MACO1: variants seen among roughly 807,000 people sequenced by gnomAD.
MACO1 encodes macoilin.
In MACO1, 14 loss-of-function variants were observed where a neutral mutation model predicts 78.7. That is an observed-to-expected ratio of 0.18 (90% CI 0.12 to 0.28). The LOEUF (loss-of-function observed/expected upper bound fraction) is 0.28. Ranked by LOEUF, MACO1 falls within the 10% of genes least tolerant of loss-of-function variation. The probability of loss-of-function intolerance (pLI) is 1.00; values close to 1 mark genes in which losing one functional copy is unlikely to be tolerated. For missense variants in MACO1, 501 were observed against 799.0 expected (o/e 0.63, Z 4.50); for synonymous variants, 288 against 291.6 (o/e 0.99, Z 0.12).
intron 3 of MACO1, 148 bp downstream of exon 3, chr1:25,449,082 A>G: frequency 1.6e-6 from 1 of 612,506 alleles, no homozygotes; most frequent in Non-Finnish European, 2.3e-6. Flanking sequence ...ATACCTTCAA[A>G]AATATATATC....
At chr1:25,465,524 A>G (rs925061158) in intron 6 of MACO1, among the ~76,000 whole-genome samples, 12 of 152,162 alleles carry the variant, frequency 7.9e-5, no homozygotes, top group African/African-American at 2.2e-4. Flanking sequence ...TTTAATTTGC[A>G]TTTCCCTGGT....
chr1:25,432,194 A>G (rs1229665432), intron 1 of MACO1, among the ~76,000 whole-genome samples: 1 of 152,216 alleles, frequency 6.6e-6, no homozygotes, highest in Admixed American at 6.5e-5. Flanking sequence ...GTGTTTTACA[A>G]TTAGCTTCTC....
intron 10 of MACO1, among the ~76,000 whole-genome samples, chr1:25,497,348 T>G (rs1001398853): frequency 1.1e-4 from 17 of 147,836 alleles, no homozygotes; most frequent in Admixed American, 1.0e-3. Flanking sequence ...CCACTGCACT[T>G]CAGCCTGGGC....
intron 6 of MACO1, among the ~76,000 whole-genome samples, chr1:25,469,702 T>A (rs532887854): frequency 6.7e-6 from 1 of 149,482 alleles, no homozygotes; most frequent in Non-Finnish European, 1.5e-5. Flanking sequence ...AGTGGTCCGA[T>A]CTCGGCTCAC....
At position 25,499,631 on chromosome 1, in the gene MACO1, A is replaced by G. The variant is rs915627337; in HGVS notation, c.*1165A>G. The G allele has an allele frequency of 1.6e-5, 2 of 122,480 alleles. No individual in the cohort carries two copies. Among genetic ancestry groups the G allele is most frequent in the African/African-American group, 6.2e-5 (2 of 32,200 alleles). 7.6% of individuals were successfully genotyped at this position (122,480 alleles called of 1,614,324 possible). A position where few individuals can be genotyped will look rare whatever the true frequency, so the allele number is the denominator to read the frequency against. On this transcript the variant is annotated 3_prime_UTR_variant, in exon 11 of 11. Transcript: ENST00000374343. ...TTTCAGTTTCAAATGTGTATTATAC[A>G]TGGGTAGAAAAGTGTTTGCACAGGC... is the stretch of plus-strand genomic sequence containing the variant.
In MACO1 at chr1:25,444,162, G is replaced by T. The variant is rs568451593; in HGVS notation, c.81-2600G>T. ...TAGTCTCAGCTACTTGGGAGGCCAA[G>T]GCAGGAGGATCACTTGAACCCGGGA... On this transcript the variant is annotated intron_variant, in intron 1 of 10. Coordinates refer to ENST00000374343, the MANE Select transcript of MACO1 (RefSeq NM_018202.6). Among the ~76,000 whole-genome samples the T allele has an allele frequency of 1.3e-4, 19 of 150,552 alleles. No homozygotes were observed. In the East Asian group the frequency reaches 3.9e-3, roughly 31 times the overall value.
chr1:25,467,383 T>C (rs147833907), intron 6 of MACO1, among the ~76,000 whole-genome samples: 1 of 152,310 alleles, frequency 6.6e-6, no homozygotes, highest in Non-Finnish European at 1.5e-5. Context: ...TGCCACAAGG[T>C]TCCCTCTCAA....
rs2043426614 is a variant in MACO1 at position 25,485,950 on chromosome 1, A to G, written c.1496+155A>G. 6.6e-6 allele frequency among the ~76,000 whole-genome samples: 1 copy of G among 152,210 alleles called. No homozygotes were observed. Among genetic ancestry groups the G allele is most frequent in the African/African-American group, 2.4e-5 (1 of 41,454 alleles). Reference sequence around the variant, plus strand: ...TGTTTTATTAACTGGTTTAAACTCCATGTGTGCAAGCTTGCACTATCTTAT... The same window carrying G: ...TGTTTTATTAACTGGTTTAAACTCCGTGTGTGCAAGCTTGCACTATCTTAT... On this transcript the variant is annotated intron_variant, in intron 8 of 10. Coordinates refer to ENST00000374343, the MANE Select transcript of MACO1 (RefSeq NM_018202.6). This position sits in a 1 kb window ranked among gnomAD's most constrained non-coding sequence, Gnocchi z 4.3.
intron 1 of MACO1, among the ~76,000 whole-genome samples, chr1:25,439,473 C>G (rs746555334): frequency 6.6e-6 from 1 of 151,798 alleles, no homozygotes; most frequent in African/African-American, 2.4e-5. Flanking sequence ...CATGTACGCG[C>G]GCGTGTGTGT....
intron 10 of MACO1, among the ~76,000 whole-genome samples, chr1:25,494,644 T>G (rs995020613): frequency 1.3e-5 from 2 of 152,140 alleles, no homozygotes; most frequent in African/African-American, 4.8e-5. Context: ...GCTACCACTG[T>G]CCTCTATCTA....
intron 5 of MACO1, 94 bp from the exon 6 acceptor site, chr1:25,458,297 G>A: frequency 6.8e-7 from 1 of 1,476,204 alleles, no homozygotes; most frequent in Non-Finnish European, 9.0e-7. Flanking sequence ...TTTCTTAAGT[G>A]TAGATAATAG....
Position 25,458,581 on chromosome 1 carries a change from T to C in MACO1, c.843T>C (p.Ser281=), listed in dbSNP as rs1235362216. The change falls in exon 6 of 11, where the codon TCT becomes TCC. Residue 281 remains serine (S), a synonymous_variant. Transcript: ENST00000374343. Reference sequence around the variant, plus strand: ...ACAATATTCTACAACCTGTAGACTCTAAAATACAAGAGATTGAGTATATGG... The same window carrying C: ...ACAATATTCTACAACCTGTAGACTCCAAAATACAAGAGATTGAGTATATGG... ...NNNNILQPVD[S]KIQEIEYMEN... is the part of the protein sequence containing the mutation. 1 of 1,613,620 alleles carries C rather than the reference T, an allele frequency of 6.2e-7. No individual in the cohort carries two copies. The highest frequency in any genetic ancestry group is 8.5e-7 in the Non-Finnish European group (1 of 1,179,952).
chr1:25,486,757 C>A (rs550914286), intron 8 of MACO1, among the ~76,000 whole-genome samples: 18 of 152,294 alleles, frequency 1.2e-4, no homozygotes, highest in African/African-American at 4.1e-4. Context: ...AGAACTCTCT[C>A]CTGTGTGATC....
chr1:25,470,864 C>G (rs946642073), intron 6 of MACO1, among the ~76,000 whole-genome samples: 1 of 151,848 alleles, frequency 6.6e-6, no homozygotes, highest in Non-Finnish European at 1.5e-5. Context: ...CCCATCTCTA[C>G]TAAAAATATA....
intron 6 of MACO1, among the ~76,000 whole-genome samples, chr1:25,480,460 A>G (rs2043361321): frequency 6.6e-6 from 1 of 152,206 alleles, no homozygotes; most frequent in Non-Finnish European, 1.5e-5. Context: ...TATTTTTTAA[A>G]TAAACCTTTT....
At chr1:25,444,653 C>T (rs1413630421) in intron 1 of MACO1, among the ~76,000 whole-genome samples, 3 of 151,990 alleles carry the variant, frequency 2.0e-5, no homozygotes, top group East Asian at 1.9e-4. Context: ...GTGGCACAGT[C>T]GTGGCTCACT....
rs201809696 is a variant in MACO1 at position 25,485,834 on chromosome 1, C to T, written c.1496+39C>T. The T allele has an allele frequency of 6.4e-7, 1 of 1,573,756 alleles. No individual in the cohort carries two copies. The highest frequency in any genetic ancestry group is 2.2e-5 in the East Asian group (1 of 44,476). On this transcript the variant is annotated intron_variant, in intron 8 of 10. Transcript: ENST00000374343. The surrounding 1 kb of genome is among the most constrained non-coding windows in gnomAD (Gnocchi z 4.3). ...ACCTGAGTGTTTAATCCAAGGTTGG[C>T]TTTCCTTTACCAACAAAGACATGGG...
At chr1:25,469,538 A>G (rs1400102425) in intron 6 of MACO1, among the ~76,000 whole-genome samples, 2 of 152,170 alleles carry the variant, frequency 1.3e-5, no homozygotes, top group East Asian at 3.8e-4. Context: ...ACATTGCTCA[A>G]ATGTGGCTTG....
rs2043573731 is a variant in MACO1 at position 25,500,136 on chromosome 1, TACTGG to T, written c.*1671_*1675del. ...CTGCCTTTTGGGACACTTCGTTAAA[TACTGG>T]TCTTGGCTGCATTCTTTTTTTTTTT... On this transcript the variant is annotated 3_prime_UTR_variant, in exon 11 of 11. Coordinates refer to ENST00000374343, the MANE Select transcript of MACO1 (RefSeq NM_018202.6). The T allele has an allele frequency of 6.6e-6, 1 of 152,132 alleles. No homozygotes were observed. The highest frequency in any genetic ancestry group is 2.4e-5 in the African/African-American group (1 of 41,368). 9.4% of individuals were successfully genotyped at this position (152,132 alleles called of 1,614,324 possible). A position where few individuals can be genotyped will look rare whatever the true frequency, so the allele number is the denominator to read the frequency against.
Sources: gnomAD v4.1 joint callset for allele counts (sites outside exome capture counted in the v4.1 genomes callset) on GRCh38, gnomAD v4.1.1 for gene constraint, Gnocchi (gnomAD v3.1) non-coding constraint, MANE v1.5 for transcripts, NCBI Gene and HGNC (gene_info 2026-07-23, HGNC 2026-07-21) for gene names.